The following TSNARE1 variants were observed in gnomAD, a reference collection of about 807,000 sequenced individuals.
The protein encoded by TSNARE1 is t-SNARE domain-containing protein 1.
In TSNARE1, 49 loss-of-function variants were observed where a neutral mutation model predicts 62.0. That is an observed-to-expected ratio of 0.79 (90% CI 0.63 to 1.00). TSNARE1 has a LOEUF of 1.00. Ranked by LOEUF, TSNARE1 falls within the 50% of genes least tolerant of loss-of-function variation. The pLI is 0.00. For missense variants in TSNARE1, 755 were observed against 700.1 expected, an observed-to-expected ratio of 1.08 and a Z score of -0.88; for synonymous variants, 328 against 294.4, an observed-to-expected ratio of 1.11 and a Z score of -1.17.
rs542888945 is a variant in TSNARE1, at chr8:142,308,848, A to G, written c.1131+5536T>C. On this transcript the variant is annotated intron_variant, in intron 9 of 13. Transcript: ENST00000524325. ...GGGATTGTATTGAGCCTACAGATTCACTGGGTGAGAGCTGACATCTCCATA... is the reference window on the plus strand; with the variant it reads ...GGGATTGTATTGAGCCTACAGATTCGCTGGGTGAGAGCTGACATCTCCATA... 2.0e-5 allele frequency among the ~76,000 whole-genome samples: 3 copies of G among 152,232 alleles called. No individual in the cohort carries two copies. The South Asian group carries it at 6.2e-4, about 32-fold the overall frequency.
chr8:142,274,751 C>A (rs773387347), intron 12 of TSNARE1, 30 bp downstream of exon 12: 85 of 1,488,718 alleles, frequency 5.7e-5, no homozygotes, highest in Non-Finnish European at 7.4e-5. Flanking sequence ...GCCGGGCCGG[C>A]CGGGCACTGT....
At chr8:142,280,207 C>T (rs1164881996) in intron 11 of TSNARE1, 1 of 985,370 alleles carries the variant, frequency 1.0e-6, no homozygotes, top group Non-Finnish European at 1.2e-6. Context: ...TGTCTTGGTG[C>T]GGGAGTGGGG....
chr8:142,243,540 TA>T (rs971174386), intron 12 of TSNARE1, among the ~76,000 whole-genome samples: 1 of 133,106 alleles, frequency 7.5e-6, no homozygotes, highest in African/African-American at 2.9e-5. Context: ...ACGTAAAATC[TA>T]AAAAAAACCT....
At position 142,290,806 on chromosome 8, in the gene TSNARE1, G is replaced by A. The variant is rs1009664535; in HGVS notation, c.1291-6321C>T. On this transcript the variant is annotated intron_variant, in intron 10 of 13. Transcript: ENST00000524325. ...GGGCCATCTCCGCATCCCATCCTCCGCCCTCCCGGGCCTGCCAGGTAGCCA... is the reference window on the plus strand; with the variant it reads ...GGGCCATCTCCGCATCCCATCCTCCACCCTCCCGGGCCTGCCAGGTAGCCA... Among the ~76,000 whole-genome samples the A allele has an allele frequency of 7.2e-5, 11 of 152,202 alleles. 1 individual carries two copies. Among genetic ancestry groups the A allele is most frequent in the African/African-American group, 2.2e-4 (9 of 41,456 alleles).
At chr8:142,343,811 GA>G (rs1832957397) in intron 4 of TSNARE1, among the ~76,000 whole-genome samples, 154 bp downstream of exon 4, 1 of 125,256 alleles carries the variant, frequency 8.0e-6, no homozygotes, top group African/African-American at 3.3e-5. Context: ...GGAGGAGGAG[GA>G]GGGGAGAGGA....
intron 12 of TSNARE1, among the ~76,000 whole-genome samples, chr8:142,232,126 A>T (rs10100321): frequency 0.57 from 86,589 of 152,168 alleles, 26,756 homozygotes; most frequent in African/African-American, 0.81. Context: ...TCTCGGCAGC[A>T]GCAGTTCCCG....
At chr8:142,352,566 C>T (rs1834238782) in intron 2 of TSNARE1, among the ~76,000 whole-genome samples, 1 of 152,278 alleles carries the variant, frequency 6.6e-6, no homozygotes, top group African/African-American at 2.4e-5. Context: ...GCACAGACGC[C>T]GCGGTGTGCT....
At chr8:142,259,044 A>G (rs1393673416) in intron 12 of TSNARE1, among the ~76,000 whole-genome samples, 1 of 152,202 alleles carries the variant, frequency 6.6e-6, no homozygotes, top group Non-Finnish European at 1.5e-5. Flanking sequence ...ATCCAGCCAC[A>G]GTCACGCTGC....
intron 12 of TSNARE1, chr8:142,269,333 G>A: frequency 1.5e-6 from 1 of 646,236 alleles, no homozygotes; most frequent in Non-Finnish European, 1.9e-6. Flanking sequence ...TCAGGGTCAA[G>A]GCTCAATGTG....
chr8:142,222,690 AC>A (rs1816420486), intron 13 of TSNARE1, among the ~76,000 whole-genome samples: 10 of 119,204 alleles, frequency 8.4e-5, no homozygotes, highest in Non-Finnish European at 1.4e-4. Flanking sequence ...TCATCCACTC[AC>A]TCACTCATCC....
intron 12 of TSNARE1, among the ~76,000 whole-genome samples, chr8:142,269,230 G>A (rs1395423107): frequency 6.6e-6 from 1 of 152,214 alleles, no homozygotes; most frequent in Non-Finnish European, 1.5e-5. Flanking sequence ...TCAGGGCCAA[G>A]TCTGTCACCA....
chr8:142,219,301 G>A (rs1310508445), intron 13 of TSNARE1, among the ~76,000 whole-genome samples: 2 of 152,210 alleles, frequency 1.3e-5, no homozygotes, highest in African/African-American at 2.4e-5. Context: ...CTTAGGGAGA[G>A]AAGGATGGCA....
chr8:142,273,203 T>G, intron 12 of TSNARE1: 1 of 985,150 alleles, frequency 1.0e-6, no homozygotes, highest in Non-Finnish European at 1.2e-6. Flanking sequence ...CACCTCCTCC[T>G]CTTCCTCACT....
intron 10 of TSNARE1, among the ~76,000 whole-genome samples, chr8:142,297,152 ATGTCCCCAGCC>A (rs1563853648): frequency 1.3e-5 from 2 of 152,352 alleles, no homozygotes; most frequent in South Asian, 4.1e-4. Context: ...CCAGGACAGC[ATGTCCCCAGCC>A]TGGCCCTTTG....
chr8:142,221,219 C>A (rs6583604), intron 13 of TSNARE1, among the ~76,000 whole-genome samples: 87,996 of 152,138 alleles, frequency 0.58, 25,939 homozygotes, highest in African/African-American at 0.69. Context: ...CCCATTAAAG[C>A]ACCTACTAAG....
rs533566061 is a variant in TSNARE1 at position 142,381,873 on chromosome 8, C to T, written c.-40+21231G>A. On this transcript the variant is annotated intron_variant, in intron 1 of 13. Coordinates refer to ENST00000524325, the MANE Select transcript of TSNARE1 (RefSeq NM_145003.5). Reference sequence around the variant, plus strand: ...GGGAACAGGCAGCGCCCGCGGGTGCCGCAGCTCATCCTGCGTGTGGGAGAC... The same window carrying T: ...GGGAACAGGCAGCGCCCGCGGGTGCTGCAGCTCATCCTGCGTGTGGGAGAC... Among the ~76,000 whole-genome samples, 17 of 152,306 alleles carry T rather than the reference C, an allele frequency of 1.1e-4. No homozygotes were observed. The South Asian group carries it at 1.9e-3, about 17-fold the overall frequency.
At position 142,212,331 on chromosome 8, in the gene TSNARE1, G is replaced by A. The variant is rs1269176113; in HGVS notation, c.*12-18C>T. 1 of 152,294 alleles carries A rather than the reference G, an allele frequency of 6.6e-6. No individual in the cohort carries two copies. Among genetic ancestry groups the A allele is most frequent in the Non-Finnish European group, 1.5e-5 (1 of 68,098 alleles). 9.4% of individuals were successfully genotyped at this position (152,294 alleles called of 1,614,324 possible). A position where few individuals can be genotyped will look rare whatever the true frequency, so the allele number is the denominator to read the frequency against. The stretch of plus-strand genomic sequence containing the variant: ...GGCCGATGCTGCAGATGAGAAAGTG[G>A]AGGCTCAGTCAGGGCCCTGACCAGG... On this transcript the variant is annotated intron_variant, in intron 13 of 13. Coordinates refer to ENST00000524325, the MANE Select transcript of TSNARE1 (RefSeq NM_145003.5).
At chr8:142,256,943 G>A (rs1472923878) in intron 12 of TSNARE1, among the ~76,000 whole-genome samples, 1 of 152,196 alleles carries the variant, frequency 6.6e-6, no homozygotes, top group African/African-American at 2.4e-5. Context: ...GTTGCTCTGA[G>A]CCACAGGTAT....
At position 142,397,988 on chromosome 8, in the gene TSNARE1, A is replaced by G. The variant is rs1260832242; in HGVS notation, c.-40+5116T>C. Among the ~76,000 whole-genome samples, 5 of 152,166 alleles carry G rather than the reference A, an allele frequency of 3.3e-5. No individual in the cohort carries two copies. The South Asian group carries it at 6.2e-4, about 19-fold the overall frequency. On this transcript the variant is annotated intron_variant, in intron 1 of 13. Transcript: ENST00000524325. ...GGTTCCCTGCTCAGCACCAACAGCC[A>G]TCAGAAAAGCCCAGGCCTCACCCTG... is the stretch of plus-strand genomic sequence containing the variant.
Sources: gnomAD v4.1 joint callset for allele counts (sites outside exome capture counted in the v4.1 genomes callset) on GRCh38, gnomAD v4.1.1 for gene constraint, MANE v1.5 for transcripts, NCBI Gene and HGNC (gene_info 2026-07-23, HGNC 2026-07-21) for gene names.